Variants in CALM2 observed in about 807,000 individuals in gnomAD.
CALM2 encodes calmodulin-2.
Under a neutral mutation model 19.8 loss-of-function variants are expected in CALM2, and 2 were observed. That is an observed-to-expected ratio of 0.10 (90% CI 0.04 to 0.32). The LOEUF (loss-of-function observed/expected upper bound fraction) is 0.32. CALM2 is among the 10% of genes least tolerant of loss of function. The probability of loss-of-function intolerance (pLI) is 1.00; values close to 1 mark genes in which losing one functional copy is unlikely to be tolerated. For synonymous variants in CALM2, 51 were observed against 52.1 expected, an observed-to-expected ratio of 0.98 and a Z score of 0.09; for missense variants, 38 against 178.7, an observed-to-expected ratio of 0.21 and a Z score of 4.49.
At chr2:47,167,710 A>AAAAAAAAAAAAAAAAAAAAAAAAAC (rs1666525699) in intron 2 of CALM2, 1 of 142,324 alleles carries the variant, frequency 7.0e-6, no homozygotes. Context: ...AAAAAAAAAA[A>AAAAAAAAAAAAAAAAAAAAAAAAAC]AAAAAAAAAA....
chr2:47,164,237 C>CAAA (rs1156384263), intron 2 of CALM2, among the ~76,000 whole-genome samples: 14 of 38,586 alleles, frequency 3.6e-4, no homozygotes, highest in African/African-American at 1.0e-3. Flanking sequence ...GACTCCGTCT[C>CAAA]AAAAAAAAAA....
intron 2 of CALM2, among the ~76,000 whole-genome samples, chr2:47,168,829 G>C (rs1190927305): frequency 6.6e-6 from 1 of 151,698 alleles, no homozygotes; most frequent in African/African-American, 2.4e-5. Flanking sequence ...CCAGGCTGGA[G>C]TGCAGTGGCA....
rs568135326 is a variant in CALM2 at position 47,167,956 on chromosome 2, T to TA, written c.34+2777dup. 2.1e-3 allele frequency among the ~76,000 whole-genome samples: 315 copies of TA among 151,594 alleles called. 1 individual carries two copies. Among genetic ancestry groups the TA allele is most frequent in the African/African-American group, 7.4e-3 (307 of 41,270 alleles). On this transcript the variant is annotated intron_variant, in intron 2 of 5. Coordinates refer to ENST00000272298, the MANE Select transcript of CALM2 (RefSeq NM_001743.6). ...CACCAACAATTACAATTTACCAGAT[T>TA]AAAAAATTGCCTTCATCTCAAAGGT... is the stretch of plus-strand genomic sequence containing the variant.
intron 2 of CALM2, among the ~76,000 whole-genome samples, chr2:47,168,625 C>T (rs1194474132): frequency 6.6e-6 from 1 of 151,990 alleles, no homozygotes; most frequent in African/African-American, 2.4e-5. Flanking sequence ...CCCAGCTACT[C>T]GGGAGACTGA....
chr2:47,171,247 G>A (rs911780990), intron 1 of CALM2: 1 of 154,220 alleles, frequency 6.5e-6, no homozygotes, highest in Non-Finnish European at 1.4e-5. Flanking sequence ...CCAGAGCTCT[G>A]AACTACAGTA....
intron 2 of CALM2, among the ~76,000 whole-genome samples, chr2:47,167,870 G>A (rs2103838489): frequency 7.6e-6 from 1 of 131,058 alleles, no homozygotes; most frequent in East Asian, 2.1e-4. Context: ...CTGGGCTCAA[G>A]CAATCCCACT....
rs1666866297 is a variant in CALM2, at chr2:47,176,323, C to T, written c.3+118G>A. On this transcript the variant is annotated intron_variant, in intron 1 of 5. Coordinates refer to ENST00000272298, the MANE Select transcript of CALM2 (RefSeq NM_001743.6). ...CATCCCTGGCCTCTTTCGCGCCATC[C>T]CTCTGGCAGAAACCACTCCTTGAAG... The T allele has an allele frequency of 2.0e-5, 25 of 1,272,752 alleles. No individual in the cohort carries two copies. The South Asian group carries it at 2.9e-4, about 15-fold the overall frequency. 78.8% of individuals were successfully genotyped at this position (1,272,752 alleles called of 1,614,324 possible). A position where few individuals can be genotyped will look rare whatever the true frequency, so the allele number is the denominator to read the frequency against.
At chr2:47,171,594 T>C (rs1424589533) in intron 1 of CALM2, 4 of 152,162 alleles carry the variant, frequency 2.6e-5, no homozygotes, top group African/African-American at 9.7e-5. Context: ...CCGTAATATA[T>C]AAAGATGATT....
At chr2:47,161,622 A>C in intron 5 of CALM2, 101 bp downstream of exon 5, 2 of 995,680 alleles carry the variant, frequency 2.0e-6, no homozygotes, top group Non-Finnish European at 2.8e-6. Context: ...TAGCAACCTA[A>C]TTTCAGGGGA....
At chr2:47,171,282 A>G (rs1364826507) in intron 1 of CALM2, 1 of 152,322 alleles carries the variant, frequency 6.6e-6, no homozygotes, top group Non-Finnish European at 1.5e-5. Context: ...AAATGTTTGA[A>G]AGTTCAGCCA....
At chr2:47,176,540 A>G, upstream of CALM2, 1 of 1,574,586 alleles carries the variant, frequency 6.4e-7, no homozygotes, top group Non-Finnish European at 8.6e-7. Context: ...CCAGCGCCTC[A>G]TAAACACCTC....
At chr2:47,173,695 G>C (rs1666750511) in intron 1 of CALM2, 1 of 152,186 alleles carries the variant, frequency 6.6e-6, no homozygotes, top group East Asian at 1.9e-4. Flanking sequence ...GCTTGAAATG[G>C]AACGCAAACT....
intron 2 of CALM2, among the ~76,000 whole-genome samples, chr2:47,164,532 G>A (rs1441975710): frequency 2.0e-5 from 3 of 151,672 alleles, no homozygotes; most frequent in Admixed American, 6.5e-5. Flanking sequence ...GAGAGGCGGA[G>A]GTTGCAGTGA....
At chr2:47,167,899 G>A (rs1389581170) in intron 2 of CALM2, among the ~76,000 whole-genome samples, 4 of 147,044 alleles carry the variant, frequency 2.7e-5, no homozygotes, top group African/African-American at 1.0e-4. Context: ...CTCCCAAAGT[G>A]TTGGGATTAG....
intron 1 of CALM2, chr2:47,176,187 C>T (rs1001134894): frequency 2.1e-5 from 11 of 523,526 alleles, no homozygotes; most frequent in African/African-American, 1.5e-4. Flanking sequence ...AGCCAAGCCC[C>T]CGAGGAGCTT....
intron 1 of CALM2, among the ~76,000 whole-genome samples, chr2:47,175,097 T>TTTTTTTTTTTCCC (rs751897252): frequency 9.5e-5 from 12 of 126,654 alleles, no homozygotes; most frequent in African/African-American, 4.7e-4. Context: ...TTTTTTTTTT[T>TTTTTTTTTTTCCC]TCAGGAAAGA....
At chr2:47,175,660 G>A (rs951655960) in intron 1 of CALM2, among the ~76,000 whole-genome samples, 3 of 151,876 alleles carry the variant, frequency 2.0e-5, no homozygotes, top group Non-Finnish European at 4.4e-5. Context: ...TGCCAGAGGG[G>A]GATGGGAAAC....
At position 47,162,409 on chromosome 2, in the gene CALM2, G is replaced by A. The variant is rs747512597; in HGVS notation, c.179-17C>T. ...TGCCATTACCTGAAATGGTTTAGTG[G>A]AAACATCAAAGCTTTAGTGGAAACA... On this transcript the variant is annotated splice_polypyrimidine_tract_variant and intron_variant, in intron 3 of 5. Transcript: ENST00000272298. The A allele has an allele frequency of 1.2e-6, 2 of 1,605,466 alleles. No individual in the cohort carries two copies. Among genetic ancestry groups the A allele is most frequent in the South Asian group, 2.2e-5 (2 of 90,286 alleles).
chr2:47,162,409 G>T lies in CALM2; in HGVS notation c.179-17C>A. ...TGCCATTACCTGAAATGGTTTAGTG[G>T]AAACATCAAAGCTTTAGTGGAAACA... On this transcript the variant is annotated splice_polypyrimidine_tract_variant and intron_variant, in intron 3 of 5. Transcript: ENST00000272298. 1 of 1,605,466 alleles carries T rather than the reference G, an allele frequency of 6.2e-7. No homozygotes were observed. The highest frequency in any genetic ancestry group is 8.5e-7 in the Non-Finnish European group (1 of 1,173,776).
Sources: allele counts gnomAD v4.1 joint callset (sites outside exome capture counted in the v4.1 genomes callset), GRCh38; gene constraint gnomAD v4.1.1; transcripts MANE v1.5; gene names NCBI Gene and HGNC (gene_info 2026-07-23, HGNC 2026-07-21).